Variants in MYO16 observed in about 807,000 individuals in gnomAD.
MYO16 encodes myosin XVI.
A neutral mutation model predicts 205.3 loss-of-function variants in MYO16; 94 were observed. The observed-to-expected ratio is 0.46, with a 90% CI of 0.39 to 0.54. The LOEUF is 0.54. Ranked by LOEUF, MYO16 falls within the 20% of genes least tolerant of loss-of-function variation. The pLI is 0.00. For missense variants in MYO16, 2,315 were observed against 2,387.5 expected, an observed-to-expected ratio of 0.97 and a Z score of 0.63; for synonymous variants, 988 against 954.0, an observed-to-expected ratio of 1.04 and a Z score of -0.66.
At chr13:108,962,292 T>C in intron 18 of MYO16, 132 bp from the exon 19 acceptor site, 1 of 650,672 alleles carries the variant, frequency 1.5e-6, no homozygotes, top group South Asian at 1.9e-5. Flanking sequence ...ATTACAGTGG[T>C]AATGACTTTT....
intron 23 of MYO16, among the ~76,000 whole-genome samples, chr13:109,023,687 A>AAATATATG (rs1886228218): frequency 8.3e-6 from 1 of 121,002 alleles, no homozygotes; most frequent in African/African-American, 2.9e-5. Context: ...GTATATATAC[A>AAATATATG]TATATATGTA....
intron 22 of MYO16, among the ~76,000 whole-genome samples, chr13:109,013,103 A>ACCCCCC (rs1248419494): frequency 2.1e-4 from 3 of 14,604 alleles, no homozygotes; most frequent in African/African-American, 4.3e-4. Flanking sequence ...TCCTAATGCT[A>ACCCCCC]CCCCTCCCCC....
chr13:108,732,341 A>C (rs1347384574), intron 4 of MYO16, among the ~76,000 whole-genome samples: 1 of 152,238 alleles, frequency 6.6e-6, no homozygotes, highest in Non-Finnish European at 1.5e-5. Flanking sequence ...CAGATAAAAC[A>C]CACAAATGAC....
rs1884383043 is a variant in MYO16 at position 108,727,556 on chromosome 13, C to A, written c.480C>A (p.Asn160Lys). ...TGCACATTGCCTGTGCCTGCGATAA[C>A]CCTGATATTGTCCTGCTTCTTGTAT... ...TPMHIACACDNPDIVLLLVLA... is the reference protein window; with the variant it reads ...TPMHIACACDKPDIVLLLVLA... The change falls in exon 4 of 35, where the codon AAC becomes AAA. Residue 160 changes from asparagine (N) to lysine (K), a missense_variant. Coordinates refer to ENST00000457511, the MANE Select transcript of MYO16 (RefSeq NM_001198950.3). 3 of 1,613,200 alleles carry A rather than the reference C, an allele frequency of 1.9e-6. No homozygotes were observed. The African/African-American group carries it at 4.0e-5, about 22-fold the overall frequency.
chr13:108,906,794 C>T (rs1030294526), intron 15 of MYO16, among the ~76,000 whole-genome samples: 1 of 152,126 alleles, frequency 6.6e-6, no homozygotes, highest in Non-Finnish European at 1.5e-5. Flanking sequence ...GTCTTTTCTT[C>T]TTCATGTTAC....
At chr13:108,892,569 A>G (rs1490356439) in intron 14 of MYO16, among the ~76,000 whole-genome samples, 2 of 152,184 alleles carry the variant, frequency 1.3e-5, no homozygotes, top group African/African-American at 2.4e-5. Flanking sequence ...TTGAGAGTCA[A>G]TTTGGGAGAA....
chr13:109,027,982 T>TA (rs917264089), intron 23 of MYO16, among the ~76,000 whole-genome samples: 4 of 151,850 alleles, frequency 2.6e-5, no homozygotes, highest in South Asian at 2.1e-4. Flanking sequence ...TTGACTTGTT[T>TA]AAAAAAAACA....
chr13:108,644,008 G>A (rs1326327000), intron 1 of MYO16, among the ~76,000 whole-genome samples: 1 of 152,200 alleles, frequency 6.6e-6, no homozygotes, highest in Admixed American at 6.5e-5. Context: ...AACTGGGCAA[G>A]TTCAACACAG....
chr13:108,876,010 T>G lies in MYO16; in HGVS notation c.1426-7049T>G, dbSNP rs74607612. On this transcript the variant is annotated intron_variant, in intron 12 of 34. Transcript: ENST00000457511. ...TACAAAATAGAGAGTTGAAAAACAT[T>G]TTGTCACATGAGAGTCTAAGTCTAT... is the stretch of plus-strand genomic sequence containing the variant. Among the ~76,000 whole-genome samples the G allele has an allele frequency of 7.4e-3, 1,124 of 152,262 alleles. 22 individuals are homozygous for G. Among genetic ancestry groups the G allele is most frequent in the African/African-American group, 0.025 (1,052 of 41,554 alleles).
At chr13:108,740,240 C>A (rs1470599675) in intron 4 of MYO16, among the ~76,000 whole-genome samples, 1 of 149,762 alleles carries the variant, frequency 6.7e-6, no homozygotes, top group Admixed American at 6.7e-5. Flanking sequence ...AGCTTTTTGG[C>A]TCTGTTTTTT....
At chr13:109,193,068 C>CTCCACCA (rs1879992664) in intron 34 of MYO16, among the ~76,000 whole-genome samples, 1 of 152,014 alleles carries the variant, frequency 6.6e-6, no homozygotes, top group Non-Finnish European at 1.5e-5. Context: ...AAATAATGAT[C>CTCCACCA]AGTTGGTGCT....
At chr13:108,640,712 A>G (rs1001898779) in intron 1 of MYO16, among the ~76,000 whole-genome samples, 3 of 152,156 alleles carry the variant, frequency 2.0e-5, no homozygotes, top group Non-Finnish European at 4.4e-5. Context: ...ATCAAAGGCC[A>G]TGTGTTGGGC....
intron 4 of MYO16, among the ~76,000 whole-genome samples, chr13:108,751,462 C>T (rs947297363): frequency 1.3e-5 from 2 of 151,910 alleles, no homozygotes; most frequent in Non-Finnish European, 2.9e-5. Context: ...TAAAGAAATG[C>T]GGTAGAATAC....
chr13:108,551,594 C>T, the MYO16 span, among the ~76,000 whole-genome samples: 652 of 152,228 alleles, frequency 4.3e-3, no homozygotes, highest in African/African-American at 0.014. Context: ...AATTCATTAT[C>T]GCAGTAATTC....
chr13:108,687,568 C>T (rs1263080773), intron 2 of MYO16, among the ~76,000 whole-genome samples: 2 of 152,222 alleles, frequency 1.3e-5, no homozygotes, highest in African/African-American at 2.4e-5. Context: ...GGGCTATATA[C>T]ATTTTCTAAG....
intron 4 of MYO16, among the ~76,000 whole-genome samples, chr13:108,756,498 T>G (rs2139647696): frequency 6.6e-6 from 1 of 152,250 alleles, no homozygotes; most frequent in South Asian, 2.1e-4. Context: ...CTTTAATAAA[T>G]TATATTCCTT....
intron 27 of MYO16, among the ~76,000 whole-genome samples, chr13:109,070,528 T>C (rs1329282264): frequency 6.6e-6 from 1 of 152,224 alleles, no homozygotes; most frequent in African/African-American, 2.4e-5. Flanking sequence ...TTAAAGAGTT[T>C]GGTTTAACTA....
intron 16 of MYO16, among the ~76,000 whole-genome samples, chr13:108,917,107 G>T (rs1427843767): frequency 5.9e-5 from 9 of 152,086 alleles, no homozygotes; most frequent in African/African-American, 2.2e-4. Flanking sequence ...GCACATGCAC[G>T]CACGCACACA....
At chr13:108,723,633 C>A (rs1047518109) in intron 3 of MYO16, among the ~76,000 whole-genome samples, 5 of 152,120 alleles carry the variant, frequency 3.3e-5, no homozygotes, top group African/African-American at 1.2e-4. Context: ...GTTGTCTATA[C>A]ATGAATTGAT....
Sources: gnomAD v4.1 joint callset for allele counts (sites outside exome capture counted in the v4.1 genomes callset) on GRCh38, gnomAD v4.1.1 for gene constraint, MANE v1.5 for transcripts, NCBI Gene and HGNC (gene_info 2026-07-23, HGNC 2026-07-21) for gene names.